CSF2RA: variants seen among roughly 807,000 people sequenced by gnomAD.
The protein encoded by CSF2RA is colony stimulating factor 2 receptor subunit alpha.
In CSF2RA, 42 loss-of-function variants were observed where a neutral mutation model predicts 51.6. The ratio of observed to expected loss-of-function variants is 0.81; its 90% CI spans 0.64 to 1.05. CSF2RA has a LOEUF of 1.05. Ranked by LOEUF, CSF2RA falls within the 50% of genes least tolerant of loss-of-function variation. CSF2RA has a pLI of 0.00. For missense variants in CSF2RA, 530 were observed against 501.1 expected, an observed-to-expected ratio of 1.06 and a Z score of -0.55; for synonymous variants, 222 against 193.0, an observed-to-expected ratio of 1.15 and a Z score of -1.24.
At chrX:1,281,327 TCTC>T (rs1290258459) in intron 2 of CSF2RA, among the ~76,000 whole-genome samples, 2 of 69,680 alleles carry the variant, frequency 2.9e-5, no homozygotes, top group African/African-American at 5.7e-5. Context: ...TCCTCCTCCT[TCTC>T]CTCCTCCTCC....
intron 1 of CSF2RA, among the ~76,000 whole-genome samples, chrX:1,270,118 G>C (rs780595853): frequency 6.6e-6 from 1 of 151,938 alleles, no homozygotes; most frequent in Non-Finnish European, 1.5e-5. Flanking sequence ...CCCAAAAAAA[G>C]ATAACTAAAA....
At chrX:1,306,207 A>T (rs1363903533) in intron 12 of CSF2RA, among the ~76,000 whole-genome samples, 1 of 151,992 alleles carries the variant, frequency 6.6e-6, no homozygotes, top group Non-Finnish European at 1.5e-5. Flanking sequence ...GACACAAAAG[A>T]GAGGGAAACA....
Position 1,303,915 on chromosome X carries a change from C to T in CSF2RA, c.947-8C>T. 6.2e-7 allele frequency: 1 copy of T among 1,606,558 alleles called. No homozygotes were observed. The highest frequency in any genetic ancestry group is 8.5e-7 in the Non-Finnish European group (1 of 1,173,290). On this transcript the variant is annotated splice_polypyrimidine_tract_variant and splice_region_variant and intron_variant, in intron 10 of 12. Coordinates refer to ENST00000381529, the MANE Select transcript of CSF2RA (RefSeq NM_172245.4). ...TCACCGCAGACGCAAACCTGTGTGT[C>T]TCTCCAGGTTCTGACGACGGGAACC...
chrX:1,287,421 GC>G (rs2090854169), intron 4 of CSF2RA, among the ~76,000 whole-genome samples: 1 of 149,494 alleles, frequency 6.7e-6, no homozygotes, highest in Admixed American at 6.7e-5. Flanking sequence ...CAAAGTGCTG[GC>G]ATTACAGGTG....
chrX:1,291,201 C>T (rs1214041626), intron 7 of CSF2RA, among the ~76,000 whole-genome samples: 4 of 151,206 alleles, frequency 2.6e-5, no homozygotes, highest in African/African-American at 7.3e-5. Context: ...GGATTACAGG[C>T]GTCAGCCACT....
At chrX:1,271,427 C>T (rs1287469356) in intron 1 of CSF2RA, among the ~76,000 whole-genome samples, 1 of 150,816 alleles carries the variant, frequency 6.6e-6, no homozygotes. Context: ...GCAACCTCCA[C>T]CTCCCGGGTT....
intron 10 of CSF2RA, among the ~76,000 whole-genome samples, chrX:1,303,565 G>A (rs1283132349): frequency 6.6e-6 from 1 of 151,770 alleles, no homozygotes; most frequent in African/African-American, 2.4e-5. Context: ...TGGTAGAGAC[G>A]GGGTTTCACC....
intron 9 of CSF2RA, among the ~76,000 whole-genome samples, chrX:1,299,647 G>C (rs1242551924): frequency 6.6e-6 from 1 of 152,190 alleles, no homozygotes; most frequent in Admixed American, 6.6e-5. Context: ...GCCAGGCACG[G>C]TGGCTCACGC....
the CSF2RA span, among the ~76,000 whole-genome samples, chrX:1,315,895 T>C: frequency 6.6e-6 from 1 of 151,862 alleles, no homozygotes; most frequent in African/African-American, 2.4e-5. Flanking sequence ...AGACTCTAGA[T>C]GGATAATAGA....
chrX:1,302,511 T>C (rs1430077707), intron 10 of CSF2RA, among the ~76,000 whole-genome samples: 1 of 152,108 alleles, frequency 6.6e-6, no homozygotes, highest in Admixed American at 6.6e-5. Flanking sequence ...GTTTATTTAT[T>C]TTTTGTTATT....
chrX:1,269,862 C>A (rs1237984248), intron 1 of CSF2RA, among the ~76,000 whole-genome samples: 4 of 152,030 alleles, frequency 2.6e-5, no homozygotes, highest in Non-Finnish European at 5.9e-5. Flanking sequence ...AATCCCAACA[C>A]TTTTGGAGGC....
downstream of CSF2RA, among the ~76,000 whole-genome samples, chrX:1,314,473 A>G (rs1457888979): frequency 5.6e-5 from 8 of 143,298 alleles, no homozygotes; most frequent in African/African-American, 2.0e-4. Context: ...GCCCAACCCC[A>G]ATGCACCTAC....
Position 1,309,671 on chromosome X carries a change from G to A in CSF2RA, c.*192G>A. 7.7e-7 allele frequency: 1 copy of A among 1,291,748 alleles called. No individual in the cohort carries two copies. The allele number at this position is 1,291,748 out of a possible 1,614,324, so 80.0% of individuals were successfully genotyped here. A position where few individuals can be genotyped will look rare whatever the true frequency, so the allele number is the denominator to read the frequency against. ...GGAGGCCAAGGCAGGCGGATCACCT[G>A]AGGTCAGGAGTTCAAGACCAGCCTG... On this transcript the variant is annotated 3_prime_UTR_variant, in exon 13 of 13. Coordinates refer to ENST00000381529, the MANE Select transcript of CSF2RA (RefSeq NM_172245.4).
In CSF2RA at chrX:1,277,869, C is replaced by T. The variant is rs372331314; in HGVS notation, c.-27+3051C>T. On this transcript the variant is annotated intron_variant, in intron 2 of 12. Transcript: ENST00000381529. ...GTGCGTGCCTGTAGTCCCAGCTACT[C>T]GGGAGGCTGAGGCAGTAGAATTGCT... Among the ~76,000 whole-genome samples, 9 of 135,306 alleles carry T rather than the reference C, an allele frequency of 6.7e-5. No individual in the cohort carries two copies. In the East Asian group the frequency reaches 1.8e-3, roughly 27 times the overall value. The allele number at this position is 135,306 out of a possible 152,430, so 88.8% of individuals were successfully genotyped here. A position where few individuals can be genotyped will look rare whatever the true frequency, so the allele number is the denominator to read the frequency against.
At chrX:1,286,673 C>A (rs2090710869) in intron 4 of CSF2RA, among the ~76,000 whole-genome samples, 1 of 152,146 alleles carries the variant, frequency 6.6e-6, no homozygotes, top group African/African-American at 2.4e-5. Context: ...GCCATAATCT[C>A]ACGGGAACCG....
intron 2 of CSF2RA, among the ~76,000 whole-genome samples, chrX:1,279,804 C>G (rs1197050009): frequency 6.6e-6 from 1 of 150,500 alleles, no homozygotes; most frequent in Non-Finnish European, 1.5e-5. Flanking sequence ...GTTTGCTTTT[C>G]CTTGAGACAG....
the CSF2RA span, among the ~76,000 whole-genome samples, chrX:1,315,819 AT>A: frequency 1.4e-4 from 20 of 142,956 alleles, no homozygotes; most frequent in East Asian, 7.1e-4. Context: ...AGATAGATAG[AT>A]TAGATAGATG....
At position 1,309,693 on chromosome X, in the gene CSF2RA, C is replaced by CCT; in HGVS notation, c.*215_*216dup. The stretch of plus-strand genomic sequence containing the variant: ...CCTGAGGTCAGGAGTTCAAGACCAG[C>CCT]CTGCCCAACATGGTGAAACCCCATC... On this transcript the variant is annotated 3_prime_UTR_variant, in exon 13 of 13. Transcript: ENST00000381529. 1 of 1,076,470 alleles carries CCT rather than the reference C, an allele frequency of 9.3e-7. No individual in the cohort carries two copies. 66.7% of individuals were successfully genotyped at this position (1,076,470 alleles called of 1,614,324 possible). A position where few individuals can be genotyped will look rare whatever the true frequency, so the allele number is the denominator to read the frequency against.
downstream of CSF2RA, among the ~76,000 whole-genome samples, chrX:1,311,873 G>T (rs1231459831): frequency 6.6e-6 from 1 of 152,106 alleles, no homozygotes; most frequent in Non-Finnish European, 1.5e-5. Context: ...TTTCTTCATT[G>T]GTGGTTGCTG....
Sources: gnomAD v4.1 joint callset for allele counts (sites outside exome capture counted in the v4.1 genomes callset) on GRCh38, gnomAD v4.1.1 for gene constraint, MANE v1.5 for transcripts, NCBI Gene and HGNC (gene_info 2026-07-23, HGNC 2026-07-21) for gene names.